Variants in CDHR1 observed in about 807,000 individuals in gnomAD.
The protein encoded by CDHR1 is cadherin-related family member 1.
A neutral mutation model predicts 72.1 loss-of-function variants in CDHR1; 61 were observed. That is an observed-to-expected ratio of 0.85 (90% confidence interval 0.69 to 1.05). CDHR1 has a LOEUF of 1.05. Ranked by LOEUF, CDHR1 falls within the 50% of genes least tolerant of loss-of-function variation. The pLI is 0.00. For synonymous variants in CDHR1, 470 were observed against 448.1 expected (o/e 1.05, Z -0.62); for missense variants, 1,186 against 1,115.7 (o/e 1.06, Z -0.90).
At chr10:84,213,817 C>G (rs904417934) in intron 16 of CDHR1, among the ~76,000 whole-genome samples, 9 of 152,194 alleles carry the variant, frequency 5.9e-5, no homozygotes, top group Non-Finnish European at 8.8e-5. Flanking sequence ...AGGTTGCTCG[C>G]ATTGCGTTCT....
chr10:84,212,888 C>T (rs1175459904), intron 15 of CDHR1: 5 of 645,232 alleles, frequency 7.7e-6, no homozygotes, highest in East Asian at 2.7e-5. Flanking sequence ...ATAATGGAAT[C>T]GGCTAGCCCA....
chr10:84,201,650 A>G (rs1038001591), intron 6 of CDHR1, among the ~76,000 whole-genome samples, 157 bp from the exon 7 acceptor site: 3 of 152,160 alleles, frequency 2.0e-5, no homozygotes, highest in African/African-American at 7.2e-5. Context: ...ATGAAGGAGA[A>G]CCTGGGACCA....
rs1842370289 is a variant in CDHR1 at position 84,213,268 on chromosome 10, C to T, written c.1960C>T (p.Leu654=). 6.2e-7 allele frequency: 1 copy of T among 1,614,124 alleles called. No individual in the cohort carries two copies. The highest frequency in any genetic ancestry group is 1.3e-5 in the African/African-American group (1 of 74,946). The stretch of plus-strand genomic sequence containing the variant: ...ACCTGGAAGGGACTGCCTATGGTCC[C>T]TAGAGGTGCAGGCCAAGGACCGGGG... ...ITPGRDCLWS[L]EVQAKDRGSP... is the part of the protein sequence containing the mutation. Residue 654 remains leucine, a synonymous_variant, in exon 16 of 17, where the codon CTA becomes TTA. Coordinates refer to ENST00000623527, the MANE Select transcript of CDHR1 (RefSeq NM_033100.4).
At chr10:84,203,249 A>G in intron 8 of CDHR1, 126 bp downstream of exon 8, 1 of 1,216,988 alleles carries the variant, frequency 8.2e-7, no homozygotes, top group South Asian at 1.2e-5. Context: ...CACAGAGGCC[A>G]GCTCTGGACT....
chr10:84,199,162 G>A (rs1013843386), intron 5 of CDHR1, 41 bp downstream of exon 5: 22 of 1,512,416 alleles, frequency 1.5e-5, no homozygotes, highest in African/African-American at 2.8e-5. Flanking sequence ...TTCCCACCCA[G>A]GCCCATAGCC....
At chr10:84,205,161 T>G (rs1384684222) in intron 9 of CDHR1, among the ~76,000 whole-genome samples, 1 of 152,162 alleles carries the variant, frequency 6.6e-6, no homozygotes, top group African/African-American at 2.4e-5. Flanking sequence ...CTGAGCCAGA[T>G]GAGCTGTCCC....
intron 8 of CDHR1, among the ~76,000 whole-genome samples, chr10:84,203,658 C>T (rs897495574): frequency 1.3e-5 from 2 of 152,200 alleles, no homozygotes; most frequent in Non-Finnish European, 2.9e-5. Flanking sequence ...TCAGGTGATC[C>T]ACCCGCCTTG....
At chr10:84,209,007 C>G in intron 12 of CDHR1, 126 bp downstream of exon 12, 2 of 1,066,054 alleles carry the variant, frequency 1.9e-6, no homozygotes, top group East Asian at 5.2e-5. Flanking sequence ...CTTTTCTTCT[C>G]CAGCCCTCTG....
chr10:84,211,646 A>G lies in CDHR1; in HGVS notation c.1486-2A>G, dbSNP rs373377082. ...TGCCACCCAGGGCTCTTTCTCTTCC[A>G]GGCTGTGGATCCAGATACAGGACCC... On this transcript the variant is annotated splice_acceptor_variant, in intron 13 of 16. Coordinates refer to ENST00000623527, the MANE Select transcript of CDHR1 (RefSeq NM_033100.4). LOFTEE classifies it high-confidence loss of function. 4 of 1,613,954 alleles carry G rather than the reference A, an allele frequency of 2.5e-6. No individual in the cohort carries two copies. Among genetic ancestry groups the G allele is most frequent in the Non-Finnish European group, 3.4e-6 (4 of 1,179,908 alleles).
chr10:84,197,607 G>A (rs1842051268), intron 3 of CDHR1, among the ~76,000 whole-genome samples, 179 bp from the exon 4 acceptor site: 3 of 152,206 alleles, frequency 2.0e-5, no homozygotes, highest in African/African-American at 4.8e-5. Flanking sequence ...AGCATGGGGG[G>A]AGGCAGCTTT....
chr10:84,208,108 G>A (rs527814317), intron 10 of CDHR1, 66 bp from the exon 11 acceptor site: 2 of 1,377,276 alleles, frequency 1.5e-6, no homozygotes, highest in East Asian at 4.6e-5. Flanking sequence ...CTGCAGGGGA[G>A]GTAGGAGCTG....
At chr10:84,213,928 C>T (rs1842382006) in intron 16 of CDHR1, among the ~76,000 whole-genome samples, 154 bp from the exon 17 acceptor site, 1 of 152,196 alleles carries the variant, frequency 6.6e-6, no homozygotes, top group Non-Finnish European at 1.5e-5. Context: ...GTGCATTTTC[C>T]TGGACAAAAG....
At position 84,217,880 on chromosome 10, in the gene CDHR1, A is replaced by G. The variant is rs1191161956; in HGVS notation, c.*3259A>G. 1.0e-6 allele frequency: 1 copy of G among 985,380 alleles called. No homozygotes were observed. Among genetic ancestry groups the G allele is most frequent in the East Asian group, 1.1e-4 (1 of 8,830 alleles). 61.0% of individuals were successfully genotyped at this position (985,380 alleles called of 1,614,324 possible). ...TTGACATTCCAGGGGAGTTAGGAACAATGAGAGGTCTCTAAGAACTTGTGG... is the reference window on the plus strand; with the variant it reads ...TTGACATTCCAGGGGAGTTAGGAACGATGAGAGGTCTCTAAGAACTTGTGG... On this transcript the variant is annotated 3_prime_UTR_variant, in exon 17 of 17. Coordinates refer to ENST00000623527, the MANE Select transcript of CDHR1 (RefSeq NM_033100.4).
rs756128159 is a variant in CDHR1 at position 84,201,803 on chromosome 10, A to C, written c.526-4A>C. The C allele has an allele frequency of 3.1e-6, 5 of 1,609,472 alleles. No individual in the cohort carries two copies. In the Admixed American group the frequency reaches 8.3e-5, roughly 27 times the overall value. Reference sequence around the variant, plus strand: ...GAGGTCCAGCTGCCCCCTAATTCTTATAGAACCTGCACTCCCCATTTGCCG... The same window carrying C: ...GAGGTCCAGCTGCCCCCTAATTCTTCTAGAACCTGCACTCCCCATTTGCCG... On this transcript the variant is annotated splice_polypyrimidine_tract_variant and splice_region_variant and intron_variant, in intron 6 of 16. Coordinates refer to ENST00000623527, the MANE Select transcript of CDHR1 (RefSeq NM_033100.4).
In CDHR1 at chr10:84,199,101, T is replaced by C. The variant is rs375951722; in HGVS notation, c.418T>C (p.Tyr140His). 24 of 1,551,206 alleles carry C rather than the reference T, an allele frequency of 1.5e-5. No homozygotes were observed. The highest frequency in any genetic ancestry group is 4.1e-5 in the African/African-American group (3 of 72,998). ...GGCGCCCAGGTTCATCCAGGAGCCT[T>C]ATGTTGCCCTGGTTCCCGAGGTAAG... ...DEAPRFIQEPYVALVPEDIPA... is the reference protein window; with the variant it reads ...DEAPRFIQEPHVALVPEDIPA... The change falls in exon 5 of 17, where the codon TAT (tyrosine) becomes CAT (histidine). Residue 140 changes from tyrosine to histidine, a missense_variant. Coordinates refer to ENST00000623527, the MANE Select transcript of CDHR1 (RefSeq NM_033100.4).
At chr10:84,204,029 G>A (rs1195658083) in intron 8 of CDHR1, among the ~76,000 whole-genome samples, 1 of 151,936 alleles carries the variant, frequency 6.6e-6, no homozygotes, top group Non-Finnish European at 1.5e-5. Context: ...GACTTATATA[G>A]TTGGGGCAGC....
At position 84,200,608 on chromosome 10, in the gene CDHR1, C is replaced by A. The variant is rs2132799269; in HGVS notation, c.446C>A (p.Pro149His). 6.2e-7 allele frequency: 1 copy of A among 1,610,362 alleles called. No individual in the cohort carries two copies. The highest frequency in any genetic ancestry group is 2.2e-5 in the East Asian group (1 of 44,850). The change falls in exon 6 of 17, where the codon CCT becomes CAT. Residue 149 changes from proline (P) to histidine (H), a missense_variant. Coordinates refer to ENST00000623527, the MANE Select transcript of CDHR1 (RefSeq NM_033100.4). Reference sequence around the variant, plus strand: ...TGGCTGTGACCCCCTCAGGACATACCTGCTGGGAGCATCATCTTTAAGGTC... The same window carrying A: ...TGGCTGTGACCCCCTCAGGACATACATGCTGGGAGCATCATCTTTAAGGTC... The part of the protein sequence containing the change: ...PYVALVPEDI[P>H]AGSIIFKVHA...
At chr10:84,213,454 A>G (rs2132835130) in intron 16 of CDHR1, 106 bp downstream of exon 16, 2 of 1,474,016 alleles carry the variant, frequency 1.4e-6, no homozygotes, top group East Asian at 2.3e-5. Context: ...CCTCCAAAAG[A>G]CACTCAACGT....
Position 84,215,786 on chromosome 10 carries a change from C to T in CDHR1, c.*1165C>T. 1.0e-6 allele frequency: 1 copy of T among 985,532 alleles called. No individual in the cohort carries two copies. The highest frequency in any genetic ancestry group is 1.2e-6 in the Non-Finnish European group (1 of 830,010). The allele number at this position is 985,532 out of a possible 1,614,324, so 61.0% of individuals were successfully genotyped here. On this transcript the variant is annotated 3_prime_UTR_variant, in exon 17 of 17. Transcript: ENST00000623527. Reference sequence around the variant, plus strand: ...GCCAAGCGCCCCAGCAGGCACTGTGCTGGGCTTAGGGGCTACCACTGGATG... The same window carrying T: ...GCCAAGCGCCCCAGCAGGCACTGTGTTGGGCTTAGGGGCTACCACTGGATG...
Sources: gnomAD v4.1 joint callset for allele counts (sites outside exome capture counted in the v4.1 genomes callset) on GRCh38, gnomAD v4.1.1 for gene constraint, MANE v1.5 for transcripts, NCBI Gene and HGNC (gene_info 2026-07-23, HGNC 2026-07-21) for gene names.